BRWD3: variants seen among roughly 807,000 people sequenced by gnomAD.
BRWD3 encodes bromodomain and WD repeat-containing protein 3.
A neutral mutation model predicts 149.7 loss-of-function variants in BRWD3; 10 were observed. The ratio of observed to expected loss-of-function variants is 0.07; its 90% CI spans 0.04 to 0.11. The LOEUF (loss-of-function observed/expected upper bound fraction) is 0.11, where lower values mean the gene tolerates loss of function less well. Ranked by LOEUF, BRWD3 falls within the 10% of genes least tolerant of loss-of-function variation. The probability of loss-of-function intolerance (pLI) is 1.00; values close to 1 mark genes in which losing one functional copy is unlikely to be tolerated. For missense variants in BRWD3, 940 were observed against 1,373.2 expected, an observed-to-expected ratio of 0.68 and a Z score of 4.99; for synonymous variants, 504 against 456.7, an observed-to-expected ratio of 1.10 and a Z score of -1.32.
chrX:80,726,690 T>C (rs1023844144), intron 14 of BRWD3, among the ~76,000 whole-genome samples: 1 of 110,627 alleles, frequency 9.0e-6, no homozygotes, highest in African/African-American at 3.3e-5. Flanking sequence ...TATCCTACCA[T>C]ATTACGATTA....
At chrX:80,693,571 T>C (rs1275781858) in intron 27 of BRWD3, among the ~76,000 whole-genome samples, 1 of 111,808 alleles carries the variant, frequency 8.9e-6, no homozygotes, top group African/African-American at 3.3e-5. Flanking sequence ...TGGTCTCAGA[T>C]AGAGATCAGG....
At chrX:80,792,594 T>C (rs1355133367) in intron 5 of BRWD3, among the ~76,000 whole-genome samples, 4 of 112,124 alleles carry the variant, frequency 3.6e-5, no homozygotes, top group Non-Finnish European at 7.5e-5. Flanking sequence ...TTTCCTTAAA[T>C]TATAAAATGA....
Position 80,725,079 on chromosome X carries a change from A to G in BRWD3, c.1387-12T>C, listed in dbSNP as rs756622501. The G allele has an allele frequency of 3.3e-6, 4 of 1,203,465 alleles. No homozygotes were observed. The highest frequency in any genetic ancestry group is 4.5e-6 in the Non-Finnish European group (4 of 890,595). On this transcript the variant is annotated splice_polypyrimidine_tract_variant and intron_variant, in intron 14 of 40. Transcript: ENST00000373275. ...TCATCATCATGTCCCTATAATAAAA[A>G]TCAGTATTAACAATGAAAGCAACAC...
chrX:80,748,220 G>A (rs1319495355), intron 6 of BRWD3, among the ~76,000 whole-genome samples: 1 of 110,561 alleles, frequency 9.0e-6, no homozygotes, highest in Non-Finnish European at 1.9e-5. Context: ...TACTATTTCT[G>A]CATCTATTGA....
At chrX:80,737,731 A>T (rs1269605167) in intron 8 of BRWD3, among the ~76,000 whole-genome samples, 2 of 112,270 alleles carry the variant, frequency 1.8e-5, no homozygotes, top group African/African-American at 3.2e-5. Context: ...GCTACTCAGG[A>T]TGCTGAGGCA....
At position 80,707,517 on chromosome X, in the gene BRWD3, C is replaced by T. The variant is rs772376384; in HGVS notation, c.2476-14G>A. 12 of 1,196,295 alleles carry T rather than the reference C, an allele frequency of 1.0e-5. No homozygotes were observed. The African/African-American group carries it at 1.1e-4, about 10-fold the overall frequency. On this transcript the variant is annotated splice_polypyrimidine_tract_variant and intron_variant, in intron 21 of 40. Transcript: ENST00000373275. ...AGTTTCATCTTCCTACAACAAAGAG[C>T]CAGCAATTAAGATATATGGATATTA...
At chrX:80,802,885 C>T (rs1049003731) in intron 4 of BRWD3, among the ~76,000 whole-genome samples, 1 of 110,930 alleles carries the variant, frequency 9.0e-6, no homozygotes. Context: ...GCAGGCAGAT[C>T]ACGAGGTCAG....
intron 4 of BRWD3, among the ~76,000 whole-genome samples, chrX:80,799,823 G>A (rs2074274159): frequency 1.8e-5 from 2 of 110,974 alleles, no homozygotes; most frequent in Non-Finnish European, 3.8e-5. Flanking sequence ...GCCTCTCTGA[G>A]CCTGAACTTC....
intron 39 of BRWD3, 129 bp downstream of exon 39, chrX:80,681,868 G>T: frequency 1.7e-6 from 1 of 604,850 alleles, no homozygotes; most frequent in Non-Finnish European, 2.7e-6. Flanking sequence ...GTAGAATTGG[G>T]AATAAAGCAC....
intron 6 of BRWD3, among the ~76,000 whole-genome samples, chrX:80,757,222 A>C (rs1191931797): frequency 8.9e-6 from 1 of 111,998 alleles, no homozygotes; most frequent in African/African-American, 3.2e-5. Flanking sequence ...CCCAGGCTCT[A>C]TTTACTAAAA....
At chrX:80,698,857 G>A (rs948037954) in intron 25 of BRWD3, among the ~76,000 whole-genome samples, 1 of 110,955 alleles carries the variant, frequency 9.0e-6, no homozygotes, top group Non-Finnish European at 1.9e-5. Context: ...AGCTACTTTA[G>A]CACCTGATGA....
chrX:80,782,989 G>A (rs1343601978), intron 6 of BRWD3, among the ~76,000 whole-genome samples: 1 of 111,067 alleles, frequency 9.0e-6, no homozygotes, highest in Non-Finnish European at 1.9e-5. Flanking sequence ...ATTTAAAAAT[G>A]GGCAAAAGAT....
At chrX:80,768,509 A>C (rs1042381774) in intron 6 of BRWD3, among the ~76,000 whole-genome samples, 2 of 111,372 alleles carry the variant, frequency 1.8e-5, no homozygotes, top group East Asian at 5.6e-4. Context: ...GAAATAAAAT[A>C]CTTTACAGAC....
At chrX:80,694,327 G>A (rs1266677301) in intron 27 of BRWD3, among the ~76,000 whole-genome samples, 3 of 112,029 alleles carry the variant, frequency 2.7e-5, no homozygotes, top group African/African-American at 9.7e-5. Context: ...CCGGGGCAGA[G>A]CCCTCATGGA....
intron 4 of BRWD3, among the ~76,000 whole-genome samples, chrX:80,803,406 C>G (rs1453268412): frequency 9.0e-6 from 1 of 111,472 alleles, no homozygotes; most frequent in East Asian, 2.8e-4. Context: ...TACTGAGATA[C>G]CAGTTATCCT....
chrX:80,726,209 GT>G (rs1286569698), intron 14 of BRWD3, among the ~76,000 whole-genome samples: 26 of 103,417 alleles, frequency 2.5e-4, no homozygotes, highest in Non-Finnish European at 4.4e-4. Context: ...CATGTTATAT[GT>G]CTGTATAACA....
intron 6 of BRWD3, among the ~76,000 whole-genome samples, chrX:80,773,510 A>G (rs185468888): frequency 1.4e-3 from 152 of 111,902 alleles, no homozygotes; most frequent in African/African-American, 4.8e-3. Flanking sequence ...TATTAGTTAC[A>G]TATTTCTGAT....
rs756620461 is a variant in BRWD3, at chrX:80,793,797, G to A, written c.181-25C>T. On this transcript the variant is annotated intron_variant, in intron 4 of 40. Coordinates refer to ENST00000373275, the MANE Select transcript of BRWD3 (RefSeq NM_153252.5). ...CCTAAAAAAGTATAAATAAAACACAGGAAAAACACATTTATTTGGTTTAAA... is the reference window on the plus strand; with the variant it reads ...CCTAAAAAAGTATAAATAAAACACAAGAAAAACACATTTATTTGGTTTAAA... 2.4e-5 allele frequency: 28 copies of A among 1,173,963 alleles called. No individual in the cohort carries two copies. In the South Asian group the frequency reaches 4.7e-4, roughly 20 times the overall value.
At chrX:80,679,539 G>A (rs1033219050) in intron 40 of BRWD3, among the ~76,000 whole-genome samples, 6 of 111,715 alleles carry the variant, frequency 5.4e-5, no homozygotes, top group African/African-American at 9.8e-5. Context: ...TCAAGATGAC[G>A]GATGCAGTCA....
Sources: allele counts gnomAD v4.1 joint callset (sites outside exome capture counted in the v4.1 genomes callset), GRCh38; gene constraint gnomAD v4.1.1; transcripts MANE v1.5; gene names NCBI Gene and HGNC (gene_info 2026-07-23, HGNC 2026-07-21).